The following PHF21B variants were observed in gnomAD, a reference collection of about 807,000 sequenced individuals.
The protein encoded by PHF21B is PHD finger protein 21B, also known as PHD finger protein 4.
In PHF21B, 22 loss-of-function variants were observed where a neutral mutation model predicts 62.2. That is an observed-to-expected ratio of 0.35 (90% CI 0.25 to 0.51). The LOEUF (loss-of-function observed/expected upper bound fraction) is 0.51. Ranked by LOEUF, PHF21B falls within the 20% of genes least tolerant of loss-of-function variation. The probability of loss-of-function intolerance (pLI) is 0.97; values close to 1 mark genes in which losing one functional copy is unlikely to be tolerated. For synonymous variants in PHF21B, 341 were observed against 314.7 expected (o/e 1.08, Z -0.88); for missense variants, 701 against 707.9 (o/e 0.99, Z 0.11).
intron 2 of PHF21B, among the ~76,000 whole-genome samples, chr22:44,976,358 A>G (rs964325942): frequency 6.6e-6 from 1 of 152,212 alleles, no homozygotes; most frequent in African/African-American, 2.4e-5. Context: ...CTTAAGATAC[A>G]TAATACCATA....
chr22:44,941,827 T>C (rs577057217), intron 2 of PHF21B, among the ~76,000 whole-genome samples: 12 of 152,120 alleles, frequency 7.9e-5, no homozygotes, highest in African/African-American at 2.7e-4. Context: ...CCACCTGCCA[T>C]TGATTCATTC....
chr22:44,886,007 G>C (rs916699426), intron 10 of PHF21B, 69 bp from the exon 11 acceptor site: 1 of 1,482,668 alleles, frequency 6.7e-7, no homozygotes, highest in Non-Finnish European at 9.3e-7. Context: ...CCACACCCTG[G>C]CTGTGTAACC....
chr22:44,935,483 G>A (rs1303097849), intron 2 of PHF21B, among the ~76,000 whole-genome samples: 6 of 152,198 alleles, frequency 3.9e-5, no homozygotes, highest in South Asian at 2.1e-4. Context: ...GCGTGGTGGC[G>A]GGCGCCTGTA....
At position 44,914,108 on chromosome 22, in the gene PHF21B, G is replaced by A; in HGVS notation, c.565-20C>T. 1 of 731,496 alleles carries A rather than the reference G, an allele frequency of 1.4e-6. No individual in the cohort carries two copies. The highest frequency in any genetic ancestry group is 2.3e-6 in the Non-Finnish European group (1 of 442,686). 45.3% of individuals were successfully genotyped at this position (731,496 alleles called of 1,614,324 possible). A position where few individuals can be genotyped will look rare whatever the true frequency, so the allele number is the denominator to read the frequency against. ...AGGAGGCTGGAGAGCGAGGGTGAGG[G>A]GCACAGGGAGGAAGGGAAGAGTGAG... On this transcript the variant is annotated intron_variant, in intron 4 of 12. Coordinates refer to ENST00000313237, the MANE Select transcript of PHF21B (RefSeq NM_138415.5).
intron 2 of PHF21B, among the ~76,000 whole-genome samples, chr22:44,961,173 T>C (rs1249408329): frequency 6.6e-6 from 1 of 152,002 alleles, no homozygotes; most frequent in Non-Finnish European, 1.5e-5. Flanking sequence ...GCCAGGATGG[T>C]CTCAATCTCT....
intron 2 of PHF21B, among the ~76,000 whole-genome samples, chr22:44,938,963 G>A (rs1349908647): frequency 6.6e-6 from 1 of 152,228 alleles, no homozygotes; most frequent in Non-Finnish European, 1.5e-5. Flanking sequence ...GCTGGTTGAG[G>A]ACTGAAAAAG....
chr22:44,954,181 C>T (rs2072248792), intron 2 of PHF21B, among the ~76,000 whole-genome samples: 1 of 151,686 alleles, frequency 6.6e-6, no homozygotes, highest in Non-Finnish European at 1.5e-5. Flanking sequence ...CGTTTCGTTT[C>T]TTTCTTGTTG....
chr22:44,977,117 C>T (rs1915483652), intron 2 of PHF21B, among the ~76,000 whole-genome samples: 2 of 151,700 alleles, frequency 1.3e-5, no homozygotes, highest in African/African-American at 4.9e-5. Flanking sequence ...GACACCCTGT[C>T]TCAAAAAGAA....
intron 12 of PHF21B, among the ~76,000 whole-genome samples, chr22:44,884,053 CCAT>C (rs1391803912): frequency 1.4e-5 from 2 of 146,462 alleles, no homozygotes; most frequent in African/African-American, 5.0e-5. Context: ...ACCACCACCA[CCAT>C]CACCACCACC....
At chr22:45,003,408 C>G (rs2073255505) in intron 2 of PHF21B, 1 of 152,076 alleles carries the variant, frequency 6.6e-6, no homozygotes, top group Non-Finnish European at 1.5e-5. Flanking sequence ...AGGGAGCTTA[C>G]AGTCTAGCAC....
At chr22:44,906,630 G>A (rs895687958) in intron 5 of PHF21B, among the ~76,000 whole-genome samples, 1 of 152,252 alleles carries the variant, frequency 6.6e-6, no homozygotes, top group Non-Finnish European at 1.5e-5. Flanking sequence ...GGACAGGAGG[G>A]AGCAGACAGC....
At chr22:44,888,768 G>A (rs573268122) in intron 9 of PHF21B, among the ~76,000 whole-genome samples, 2 of 152,342 alleles carry the variant, frequency 1.3e-5, no homozygotes, top group East Asian at 3.9e-4. Context: ...GGCCTCAGAG[G>A]TCCCTGTCTC....
chr22:45,002,079 T>G (rs1394164045), intron 2 of PHF21B: 1 of 152,260 alleles, frequency 6.6e-6, no homozygotes, highest in African/African-American at 2.4e-5. Context: ...TAAAATTTAC[T>G]TCAGCAGAAT....
At chr22:44,955,923 TGAG>T (rs1414069574) in intron 2 of PHF21B, among the ~76,000 whole-genome samples, 2 of 152,166 alleles carry the variant, frequency 1.3e-5, no homozygotes, top group African/African-American at 4.8e-5. Context: ...ATATTACAGA[TGAG>T]GAGAGTGGTG....
chr22:44,964,670 A>G (rs183716594), intron 2 of PHF21B, among the ~76,000 whole-genome samples: 1 of 152,368 alleles, frequency 6.6e-6, no homozygotes, highest in African/African-American at 2.4e-5. Flanking sequence ...TTCCCATGTG[A>G]CTTTAGACAA....
chr22:44,916,447 G>A lies in PHF21B; in HGVS notation c.397C>T (p.Leu133Phe), dbSNP rs1468241615. ...GAGGCGAGGGCGGCGGGCTCGGCGA[G>A]GGCCTGGGGCTGGCTGCCGGGCGCT... Reference protein sequence around the residue: ...VPAPGSQPQALAEPAALASPL... With the variant: ...VPAPGSQPQAFAEPAALASPL... Residue 133 changes from leucine (L) to phenylalanine (F), a missense_variant, in exon 4 of 13, where the codon CTC becomes TTC. Coordinates refer to ENST00000313237, the MANE Select transcript of PHF21B (RefSeq NM_138415.5). 6.2e-7 allele frequency: 1 copy of A among 1,600,422 alleles called. No homozygotes were observed. Among genetic ancestry groups the A allele is most frequent in the Non-Finnish European group, 8.5e-7 (1 of 1,177,016 alleles).
chr22:44,968,970 C>A (rs1462407368), intron 2 of PHF21B: 1 of 152,110 alleles, frequency 6.6e-6, no homozygotes, highest in Non-Finnish European at 1.5e-5. Flanking sequence ...CATAAGAGTC[C>A]CATTATTCTG....
At chr22:44,932,489 G>A (rs975162536) in intron 2 of PHF21B, among the ~76,000 whole-genome samples, 1 of 152,184 alleles carries the variant, frequency 6.6e-6, no homozygotes, top group East Asian at 1.9e-4. Context: ...AAATCCAATC[G>A]ATGGTAGTGC....
intron 2 of PHF21B, among the ~76,000 whole-genome samples, chr22:44,946,945 A>G (rs5766224): frequency 0.76 from 115,574 of 152,132 alleles, 46,803 homozygotes; most frequent in East Asian, 0.92. Flanking sequence ...AACGGGGCAC[A>G]GGATAGAGGC....
Sources: allele counts gnomAD v4.1 joint callset (sites outside exome capture counted in the v4.1 genomes callset), GRCh38; gene constraint gnomAD v4.1.1; transcripts MANE v1.5; gene names NCBI Gene and HGNC (gene_info 2026-07-23, HGNC 2026-07-21).